JAK1: variants seen among roughly 807,000 people sequenced by gnomAD.
JAK1 encodes tyrosine-protein kinase JAK1.
A neutral mutation model predicts 136.6 loss-of-function variants in JAK1; 16 were observed. The ratio of observed to expected loss-of-function variants is 0.12; its 90% CI spans 0.08 to 0.18. JAK1 has a LOEUF of 0.18. Ranked by LOEUF, JAK1 falls within the 10% of genes least tolerant of loss-of-function variation. The pLI, the probability that JAK1 is intolerant of heterozygous loss-of-function variation, is 1.00. For synonymous variants in JAK1, 492 were observed against 519.5 expected (o/e 0.95, Z 0.72); for missense variants, 859 against 1,450.1 (o/e 0.59, Z 6.62).
intron 1 of JAK1, among the ~76,000 whole-genome samples, chr1:64,959,303 C>T (rs1456105266): frequency 6.6e-6 from 1 of 152,182 alleles, no homozygotes; most frequent in Non-Finnish European, 1.5e-5. Flanking sequence ...CAACTCTTTG[C>T]ACACTTTTAC....
Position 64,924,881 on chromosome 1 carries a change from A to G in JAK1, c.-77-38540T>C, listed in dbSNP as rs1645556806. Among the ~76,000 whole-genome samples, 3 of 152,332 alleles carry G rather than the reference A, an allele frequency of 2.0e-5. No homozygotes were observed. The South Asian group carries it at 6.2e-4, about 32-fold the overall frequency. ...GCAAAGCACAGAGGATTTTTAGGGC[A>G]GTGAAAATACTCTGTGTGATACAAT... On this transcript the variant is annotated intron_variant, in intron 1 of 24. Transcript: ENST00000342505.
intron 9 of JAK1, 64 bp from the exon 10 acceptor site, chr1:64,857,843 C>T: frequency 2.5e-5 from 39 of 1,588,708 alleles, no homozygotes; most frequent in Non-Finnish European, 5.2e-6. Flanking sequence ...AACCTCTGGG[C>T]TATCCACTCT....
intron 1 of JAK1, among the ~76,000 whole-genome samples, chr1:64,937,928 G>A (rs778734320): frequency 4.3e-4 from 65 of 152,042 alleles, no homozygotes; most frequent in African/African-American, 1.5e-3. Context: ...CGCCCAGGCT[G>A]GAGTGCAGTG....
At chr1:64,906,044 A>C (rs1645185458) in intron 1 of JAK1, among the ~76,000 whole-genome samples, 1 of 152,164 alleles carries the variant, frequency 6.6e-6, no homozygotes, top group Admixed American at 6.5e-5. Flanking sequence ...TCAAATATCC[A>C]ACTACCTTGG....
chr1:64,885,361 G>A (rs1644835709), intron 2 of JAK1, among the ~76,000 whole-genome samples: 2 of 152,146 alleles, frequency 1.3e-5, no homozygotes, highest in South Asian at 4.1e-4. Flanking sequence ...GACGTGACAG[G>A]GGAAGAATCC....
chr1:65,062,639 T>C (rs1387963651), intron 1 of JAK1, among the ~76,000 whole-genome samples: 2 of 152,232 alleles, frequency 1.3e-5, no homozygotes, highest in African/African-American at 2.4e-5. Flanking sequence ...TTCTACTAAC[T>C]AGTAACACAT....
At chr1:64,871,801 G>A (rs190251341) in intron 5 of JAK1, among the ~76,000 whole-genome samples, 6 of 152,292 alleles carry the variant, frequency 3.9e-5, no homozygotes, top group Admixed American at 3.9e-4. Flanking sequence ...TCTCTCCCAG[G>A]ATCATTGCTG....
At chr1:65,000,178 C>T (rs146847852) in intron 2 of JAK1, among the ~76,000 whole-genome samples, 57 of 151,886 alleles carry the variant, frequency 3.8e-4, no homozygotes, top group Non-Finnish European at 4.7e-4. Flanking sequence ...TTAGTAGAGA[C>T]GGGTTTTACC....
rs554882368 is a variant in JAK1, at chr1:64,952,847, A to G, written c.-78+13486T>C. Among the ~76,000 whole-genome samples the G allele has an allele frequency of 6.6e-5, 10 of 152,330 alleles. No homozygotes were observed. In the South Asian group the frequency reaches 2.1e-3, roughly 32 times the overall value. ...TACAGACAAACACACACATACATAA[A>G]CACACATTCTCATTTAATTTTCACA... On this transcript the variant is annotated intron_variant, in intron 1 of 24. Transcript: ENST00000342505.
intron 2 of JAK1, among the ~76,000 whole-genome samples, chr1:65,038,733 G>A (rs542420173): frequency 1.3e-5 from 2 of 152,154 alleles, no homozygotes; most frequent in Non-Finnish European, 2.9e-5. Context: ...CCGCCTCCCA[G>A]GTTCAAGCAA....
chr1:64,928,778 C>CAAAAAAAAAAAAAAAAAA (rs1183218798), intron 1 of JAK1, among the ~76,000 whole-genome samples: 26 of 61,148 alleles, frequency 4.3e-4, no homozygotes, highest in Admixed American at 8.9e-4. Context: ...TAAAACTCTG[C>CAAAAAAAAAAAAAAAAAA]AAAAAAAAAA....
chr1:64,837,664 A>G (rs577278395), intron 22 of JAK1, among the ~76,000 whole-genome samples: 12 of 152,298 alleles, frequency 7.9e-5, no homozygotes, highest in African/African-American at 2.9e-4. Flanking sequence ...GAAAGCTAGG[A>G]ATGTTGAGCT....
At chr1:64,839,037 T>C (rs1654694984) in intron 20 of JAK1, among the ~76,000 whole-genome samples, 1 of 148,482 alleles carries the variant, frequency 6.7e-6, no homozygotes, top group Non-Finnish European at 1.5e-5. Context: ...TCCCAGCTAC[T>C]CGGGAGGCTG....
intron 2 of JAK1, among the ~76,000 whole-genome samples, chr1:64,884,439 A>G (rs310199): frequency 0.43 from 65,086 of 151,962 alleles, 16,107 homozygotes; most frequent in African/African-American, 0.66. Context: ...TAATTTCTCC[A>G]TAACACATAC....
intron 1 of JAK1, among the ~76,000 whole-genome samples, chr1:64,933,510 G>C (rs1044997807): frequency 6.6e-6 from 1 of 152,160 alleles, no homozygotes; most frequent in African/African-American, 2.4e-5. Flanking sequence ...GGCCTTTCAC[G>C]CATGTTTTCA....
intron 1 of JAK1, among the ~76,000 whole-genome samples, chr1:64,886,778 AC>A (rs1644859832): frequency 6.8e-6 from 1 of 147,954 alleles, no homozygotes; most frequent in African/African-American, 2.5e-5. Flanking sequence ...ACACACACAC[AC>A]ACACACACAC....
At chr1:65,003,310 G>A (rs558769721) in intron 2 of JAK1, among the ~76,000 whole-genome samples, 2 of 152,146 alleles carry the variant, frequency 1.3e-5, no homozygotes, top group South Asian at 2.1e-4. Context: ...GAGCTCGCTG[G>A]CCCGCCAGGT....
chr1:65,062,673 A>C lies in JAK1; in HGVS notation c.-181+4931T>G, dbSNP rs376303132. 1.5e-4 allele frequency among the ~76,000 whole-genome samples: 23 copies of C among 152,298 alleles called. 1 individual carries two copies. The highest frequency in any genetic ancestry group is 3.3e-4 in the Admixed American group (5 of 15,296). On this transcript the variant is annotated intron_variant, in intron 1 of 25. Transcript: ENST00000671954. The stretch of plus-strand genomic sequence containing the variant: ...ATGCCACAGTGGCACTGCACTCATT[A>C]AGTGCTGTGTTGTATACTGCAATTT...
chr1:64,956,162 G>C (rs1380493292), intron 1 of JAK1, among the ~76,000 whole-genome samples: 1 of 152,192 alleles, frequency 6.6e-6, no homozygotes, highest in Non-Finnish European at 1.5e-5. Flanking sequence ...TGTGCTCAAA[G>C]CTGAAAATGT....
Sources: allele counts gnomAD v4.1 joint callset (sites outside exome capture counted in the v4.1 genomes callset), GRCh38; gene constraint gnomAD v4.1.1; transcripts MANE v1.5; gene names NCBI Gene and HGNC (gene_info 2026-07-23, HGNC 2026-07-21).